Variants in STK32B observed in about 807,000 individuals in gnomAD.
STK32B encodes serine/threonine kinase 32B, also known as serine/threonine-protein kinase 32B.
STK32B carries 43 observed loss-of-function variants against 52.6 expected under a neutral mutation model. The ratio of observed to expected loss-of-function variants is 0.82; its 90% CI spans 0.64 to 1.05. STK32B has a LOEUF of 1.05. Ranked by LOEUF, STK32B falls within the 50% of genes least tolerant of loss-of-function variation. The pLI is 0.00. For synonymous variants in STK32B, 238 were observed against 204.3 expected (o/e 1.17, Z -1.41); for missense variants, 621 against 534.6 (o/e 1.16, Z -1.59).
intron 11 of STK32B, among the ~76,000 whole-genome samples, chr4:5,492,560 C>T (rs551368657): frequency 6.6e-6 from 1 of 150,918 alleles, no homozygotes; most frequent in South Asian, 2.1e-4. Flanking sequence ...AATTGAATAC[C>T]CTTTATTTCC....
At chr4:5,475,675 G>C (rs1407313520) in intron 11 of STK32B, among the ~76,000 whole-genome samples, 3 of 149,284 alleles carry the variant, frequency 2.0e-5, no homozygotes, top group African/African-American at 7.4e-5. Flanking sequence ...TCCAGCCTGG[G>C]CAACAGAGCA....
chr4:5,317,179 T>C (rs1293449497), intron 3 of STK32B, among the ~76,000 whole-genome samples: 2 of 48,040 alleles, frequency 4.2e-5, no homozygotes, highest in South Asian at 6.9e-4. Context: ...TAACATATAA[T>C]ATATATATAT....
intron 4 of STK32B, among the ~76,000 whole-genome samples, chr4:5,368,520 T>A (rs564587788): frequency 7.9e-5 from 12 of 152,274 alleles, no homozygotes; most frequent in African/African-American, 2.9e-4. Flanking sequence ...AACAACGTCA[T>A]GAGTTAGGTC....
chr4:5,089,845 C>G (rs1712961617), intron 1 of STK32B, among the ~76,000 whole-genome samples: 2 of 152,184 alleles, frequency 1.3e-5, no homozygotes, highest in East Asian at 1.9e-4. Flanking sequence ...TCGTATTTCT[C>G]CACAACCTCA....
intron 1 of STK32B, among the ~76,000 whole-genome samples, chr4:5,133,562 T>C (rs958364204): frequency 6.6e-6 from 1 of 152,216 alleles, no homozygotes; most frequent in Non-Finnish European, 1.5e-5. Flanking sequence ...AGACTGTGGC[T>C]CTTTGTTAAG....
intron 4 of STK32B, among the ~76,000 whole-genome samples, chr4:5,343,755 A>G (rs929612387): frequency 6.6e-6 from 1 of 152,220 alleles, no homozygotes; most frequent in African/African-American, 2.4e-5. Context: ...CTGCACAGCA[A>G]AAGAAACTAT....
chr4:5,092,316 GA>G (rs1713124911), intron 1 of STK32B, among the ~76,000 whole-genome samples: 2 of 152,218 alleles, frequency 1.3e-5, no homozygotes, highest in Non-Finnish European at 1.5e-5. Context: ...CAGATCACCT[GA>G]GGTCAAGAGT....
chr4:5,081,875 A>G (rs895010412), intron 1 of STK32B, among the ~76,000 whole-genome samples: 1 of 152,176 alleles, frequency 6.6e-6, no homozygotes, highest in African/African-American at 2.4e-5. Flanking sequence ...CAATGTATGT[A>G]TCTTCATTTC....
Position 5,266,624 on chromosome 4 carries a change from G to A in STK32B, c.261-64596G>A, listed in dbSNP as rs1325690040. On this transcript the variant is annotated intron_variant, in intron 3 of 11. Transcript: ENST00000282908. ...CAGTTTTCTGAATCAACATTTTTTA[G>A]TCTCATATTAATTGAGTATTTTACC... 3.9e-5 allele frequency among the ~76,000 whole-genome samples: 6 copies of A among 152,166 alleles called. No homozygotes were observed. In the East Asian group the frequency reaches 1.2e-3, roughly 29 times the overall value.
intron 3 of STK32B, among the ~76,000 whole-genome samples, chr4:5,245,470 G>C (rs1725374555): frequency 2.6e-5 from 4 of 152,016 alleles, no homozygotes; most frequent in Admixed American, 2.6e-4. Flanking sequence ...GCCTACGTGA[G>C]CACGTGAGAT....
At position 5,401,037 on chromosome 4, in the gene STK32B, G is replaced by A. The variant is rs116193213; in HGVS notation, c.472+2793G>A. On this transcript the variant is annotated intron_variant, in intron 5 of 11. Transcript: ENST00000282908. ...GCATGACAAGGCCAAACAGAGGAAG[G>A]TGCCTGGATGGACAGGTGGTAGAGA... Among the ~76,000 whole-genome samples the A allele has an allele frequency of 6.1e-3, 935 of 152,272 alleles. 9 individuals are homozygous for A. The highest frequency in any genetic ancestry group is 0.021 in the African/African-American group (887 of 41,538).
intron 7 of STK32B, among the ~76,000 whole-genome samples, chr4:5,448,237 G>A (rs1327787815): frequency 6.6e-6 from 1 of 152,214 alleles, no homozygotes; most frequent in Non-Finnish European, 1.5e-5. Context: ...GAAAATATGA[G>A]CTTGTTCACT....
At chr4:5,264,773 C>T (rs1051997077) in intron 3 of STK32B, among the ~76,000 whole-genome samples, 7 of 150,986 alleles carry the variant, frequency 4.6e-5, no homozygotes, top group East Asian at 2.0e-4. Context: ...GGCAACAGAG[C>T]GAGACTCCAT....
chr4:5,372,924 C>G (rs1018217056), intron 4 of STK32B, among the ~76,000 whole-genome samples: 4 of 152,076 alleles, frequency 2.6e-5, no homozygotes, highest in Admixed American at 2.6e-4. Context: ...AGACCCATGA[C>G]CCAAATGAGG....
At chr4:5,374,045 G>C (rs1327538473) in intron 4 of STK32B, among the ~76,000 whole-genome samples, 2 of 152,206 alleles carry the variant, frequency 1.3e-5, no homozygotes, top group African/African-American at 4.8e-5. Context: ...GTCTTTATAA[G>C]AGACAGAAGA....
At chr4:5,331,193 ATCT>A (rs1310835134) in intron 3 of STK32B, 24 bp from the exon 4 acceptor site, 1 of 1,587,038 alleles carries the variant, frequency 6.3e-7, no homozygotes, top group Non-Finnish European at 8.6e-7. Flanking sequence ...TCCACCCCTA[ATCT>A]TCTCTGTCCT....
At chr4:5,060,474 T>G (rs967537441) in intron 1 of STK32B, among the ~76,000 whole-genome samples, 1 of 152,168 alleles carries the variant, frequency 6.6e-6, no homozygotes, top group Non-Finnish European at 1.5e-5. Flanking sequence ...GCTTTAATTT[T>G]TATTTGTTTT....
intron 3 of STK32B, among the ~76,000 whole-genome samples, chr4:5,212,151 C>A (rs563079745): frequency 1.3e-5 from 2 of 152,100 alleles, no homozygotes; most frequent in Non-Finnish European, 2.9e-5. Flanking sequence ...TGTCAGGGAC[C>A]GCTCTGATGT....
intron 3 of STK32B, among the ~76,000 whole-genome samples, chr4:5,222,926 A>G (rs1723631064): frequency 1.3e-5 from 2 of 152,232 alleles, no homozygotes; most frequent in Admixed American, 6.5e-5. Flanking sequence ...TAATAGAAGA[A>G]TGACCCAGAG....
Sources: allele counts gnomAD v4.1 joint callset (sites outside exome capture counted in the v4.1 genomes callset), GRCh38; gene constraint gnomAD v4.1.1; transcripts MANE v1.5; gene names NCBI Gene and HGNC (gene_info 2026-07-23, HGNC 2026-07-21).